The following IGF1R variants were observed in gnomAD, a reference collection of about 807,000 sequenced individuals.
The protein encoded by IGF1R is insulin-like growth factor 1 receptor.
Under a neutral mutation model 144.6 loss-of-function variants are expected in IGF1R, and 44 were observed. That is an observed-to-expected ratio of 0.30 (90% confidence interval 0.24 to 0.39). The LOEUF is 0.39. Ranked by LOEUF, IGF1R falls within the 10% of genes least tolerant of loss-of-function variation. IGF1R has a pLI of 1.00. For synonymous variants in IGF1R, 795 were observed against 722.8 expected, an observed-to-expected ratio of 1.10 and a Z score of -1.60; for missense variants, 1,355 against 1,833.7, an observed-to-expected ratio of 0.74 and a Z score of 4.77.
rs1282163055 is a variant in IGF1R, at chr15:98,651,233, C to T, written c.94+1558C>T. ...AATTCAGAAAGGCTGTTTCTATAAA[C>T]AAATCCTTAAACGTCTGGTAAGAAA... is the stretch of plus-strand genomic sequence containing the variant. On this transcript the variant is annotated intron_variant, in intron 1 of 20. Transcript: ENST00000650285. Among the ~76,000 whole-genome samples the T allele has an allele frequency of 3.9e-5, 6 of 152,170 alleles. 1 individual carries two copies. The highest frequency in any genetic ancestry group is 3.9e-4 in the Admixed American group (6 of 15,288).
rs45500098 is a variant in IGF1R at position 98,891,002 on chromosome 15, C to T, written c.641-323C>T. Among the ~76,000 whole-genome samples, 1 of 152,160 alleles carries T rather than the reference C, an allele frequency of 6.6e-6. No homozygotes were observed. The highest frequency in any genetic ancestry group is 2.4e-5 in the African/African-American group (1 of 41,420). ...TGGCTGACCCACGCCTGAGGCAACC[C>T]TCAAATGTGGGTATTATCCCCCTCA... On this transcript the variant is annotated intron_variant, in intron 2 of 20. Coordinates refer to ENST00000650285, the MANE Select transcript of IGF1R (RefSeq NM_000875.5). This position sits in a 1 kb window ranked among gnomAD's most constrained non-coding sequence, Gnocchi z 4.7.
intron 1 of IGF1R, among the ~76,000 whole-genome samples, chr15:98,690,418 C>T (rs998649366): frequency 6.6e-6 from 1 of 152,202 alleles, no homozygotes; most frequent in South Asian, 2.1e-4. Context: ...GGCCCCTCCT[C>T]CTCTCCTCTG....
intron 2 of IGF1R, among the ~76,000 whole-genome samples, chr15:98,749,822 ATAACG>A (rs1481017848): frequency 6.6e-6 from 1 of 152,020 alleles, no homozygotes; most frequent in East Asian, 1.9e-4. Flanking sequence ...CTACTTAACC[ATAACG>A]TTCATGGTGC....
intron 2 of IGF1R, among the ~76,000 whole-genome samples, chr15:98,843,778 C>T (rs117975294): frequency 0.016 from 2,447 of 152,140 alleles, 25 homozygotes; most frequent in Non-Finnish European, 0.026. Flanking sequence ...TTTTGTTTCA[C>T]CATAAGTAGT....
Position 98,961,833 on chromosome 15 carries a change from C to T in IGF1R, c.*4391C>T, listed in dbSNP as rs2684787. On this transcript the variant is annotated 3_prime_UTR_variant, in exon 21 of 21. Transcript: ENST00000650285. ...GCCTCCTCCTTGGAAGATGGAAGAC[C>T]GTGTTCGTGGCCGACCTGGCCTCTC... The T allele has an allele frequency of 0.18, 42,586 of 233,166 alleles. 4,481 individuals carry two copies. The highest frequency in any genetic ancestry group is 0.24 in the Non-Finnish European group (28,315 of 118,020). 14.4% of individuals were successfully genotyped at this position (233,166 alleles called of 1,614,324 possible). A position where few individuals can be genotyped will look rare whatever the true frequency, so the allele number is the denominator to read the frequency against.
At chr15:98,908,608 C>T (rs1471453226) in intron 5 of IGF1R, 77 bp from the exon 6 acceptor site, 2 of 1,035,092 alleles carry the variant, frequency 1.9e-6, no homozygotes, top group East Asian at 2.5e-5. Flanking sequence ...CAAAGAGGAC[C>T]TGTGTTACGT....
chr15:98,876,380 G>A (rs1156898825), intron 2 of IGF1R, among the ~76,000 whole-genome samples: 4 of 151,956 alleles, frequency 2.6e-5, no homozygotes, highest in African/African-American at 9.7e-5. Flanking sequence ...TATAAAGTGT[G>A]GGGTCAGATT....
chr15:98,934,590 C>G (rs1596468213), intron 15 of IGF1R, among the ~76,000 whole-genome samples: 2 of 152,212 alleles, frequency 1.3e-5, no homozygotes, highest in South Asian at 4.1e-4. Flanking sequence ...TGTTAGTATC[C>G]TCAAATTATC....
chr15:98,918,606 C>T (rs2015350879), intron 10 of IGF1R, among the ~76,000 whole-genome samples: 2 of 152,214 alleles, frequency 1.3e-5, no homozygotes, highest in South Asian at 2.1e-4. Context: ...AGCAGCCAGG[C>T]GCGGTGGCTC....
Position 98,904,656 on chromosome 15 carries a change from G to A in IGF1R, c.1248-4029G>A, listed in dbSNP as rs538758784. Among the ~76,000 whole-genome samples, 19 of 152,340 alleles carry A rather than the reference G, an allele frequency of 1.2e-4. No individual in the cohort carries two copies. The South Asian group carries it at 3.5e-3, about 28-fold the overall frequency. ...TTGCTGATGACAGCCTGTGTCCTGG[G>A]TTCTGATGCCCCCTAGAGACAGCCG... is the stretch of plus-strand genomic sequence containing the variant. On this transcript the variant is annotated intron_variant, in intron 5 of 20. Coordinates refer to ENST00000650285, the MANE Select transcript of IGF1R (RefSeq NM_000875.5).
chr15:98,962,821 T>C lies in IGF1R; in HGVS notation c.*5379T>C. 2 of 233,728 alleles carry C rather than the reference T, an allele frequency of 8.6e-6. No individual in the cohort carries two copies. Among genetic ancestry groups the C allele is most frequent in the Non-Finnish European group, 1.7e-5 (2 of 118,068 alleles). 14.5% of individuals were successfully genotyped at this position (233,728 alleles called of 1,614,324 possible). On this transcript the variant is annotated 3_prime_UTR_variant, in exon 21 of 21. Transcript: ENST00000650285. ...AACAAAGAAACCTAACATCCTACTC[T>C]GGAAACTGATCTCGGAGTTAAGGCG...
rs1419776971 is a variant in IGF1R, at chr15:98,749,967, T to C, written c.640+41860T>C. ...CTCCTTATTTCTTAGTGAACAAAGA[T>C]ATTTGCTCGACTTCTATCCCAGAAG... On this transcript the variant is annotated intron_variant, in intron 2 of 20. Transcript: ENST00000650285. 3.3e-5 allele frequency among the ~76,000 whole-genome samples: 5 copies of C among 152,088 alleles called. No homozygotes were observed. In the Middle Eastern group the frequency reaches 0.01, roughly 310 times the overall value.
chr15:98,650,273 A>C (rs1351594970), intron 1 of IGF1R, among the ~76,000 whole-genome samples: 1 of 152,110 alleles, frequency 6.6e-6, no homozygotes, highest in Non-Finnish European at 1.5e-5. Context: ...CCGTCGCCCA[A>C]CGTGCTTTTG....
At position 98,891,558 on chromosome 15, in the gene IGF1R, G is replaced by A. The variant is rs760366319; in HGVS notation, c.874G>A (p.Asp292Asn). Residue 292 changes from aspartate (D) to asparagine (N), a missense_variant, in exon 3 of 21, where the codon GAC becomes AAC. Asp to Asn is a conservative substitution (Grantham distance 23). Coordinates refer to ENST00000650285, the MANE Select transcript of IGF1R (RefSeq NM_000875.5). This position sits in a 1 kb window ranked among gnomAD's most constrained non-coding sequence, Gnocchi z 4.7. ...CANILSAESS[D>N]SEGFVIHDGE... The stretch of plus-strand genomic sequence containing the variant: ...CAACATCCTCAGCGCCGAGAGCAGC[G>A]ACTCCGAGGGGTTTGTGATCCACGA... 1.2e-5 allele frequency: 20 copies of A among 1,609,516 alleles called. No homozygotes were observed. The South Asian group carries it at 1.3e-4, about 11-fold the overall frequency.
At chr15:98,802,135 T>C (rs1011593302) in intron 2 of IGF1R, among the ~76,000 whole-genome samples, 1 of 152,144 alleles carries the variant, frequency 6.6e-6, no homozygotes, top group Non-Finnish European at 1.5e-5. Context: ...TTTGTTACTC[T>C]AAAAATGAAA....
chr15:98,849,114 G>T lies in IGF1R; in HGVS notation c.641-42211G>T, dbSNP rs186542505. On this transcript the variant is annotated intron_variant, in intron 2 of 20. Transcript: ENST00000650285. ...CAAACAAACAAAAAACTGAACAAGAGCAAGGAGTCCTTACCAGGTATTAAA... is the reference window on the plus strand; with the variant it reads ...CAAACAAACAAAAAACTGAACAAGATCAAGGAGTCCTTACCAGGTATTAAA... 3.3e-5 allele frequency among the ~76,000 whole-genome samples: 5 copies of T among 152,220 alleles called. No homozygotes were observed. The East Asian group carries it at 9.7e-4, about 29-fold the overall frequency.
chr15:98,861,273 C>T (rs1012978590), intron 2 of IGF1R, among the ~76,000 whole-genome samples: 1 of 152,214 alleles, frequency 6.6e-6, no homozygotes, highest in African/African-American at 2.4e-5. Flanking sequence ...CCTCCTTACA[C>T]CTTCCTCTCA....
In IGF1R at chr15:98,934,949, A is replaced by G. The variant is rs1038923367; in HGVS notation, c.3082A>G (p.Thr1028Ala). Residue 1028 changes from threonine (T) to alanine (A), a missense_variant, in exon 16 of 21, where the codon ACC becomes GCC. By Grantham distance (58) the Thr-to-Ala change is moderately conservative (BLOSUM62 0). This residue lies in a region of IGF1R where 880 missense variants were observed against 1,202.7 expected (regional missense o/e 0.73). Transcript: ENST00000650285. ...GGGTGTGGTGAAAGATGAACCTGAA[A>G]CCAGAGTGGCCATTAAAACAGTGAA... Reference protein sequence around the residue: ...AKGVVKDEPETRVAIKTVNEA... With the variant: ...AKGVVKDEPEARVAIKTVNEA... The G allele has an allele frequency of 6.2e-7, 1 of 1,614,114 alleles. No individual in the cohort carries two copies. Among genetic ancestry groups the G allele is most frequent in the Non-Finnish European group, 8.5e-7 (1 of 1,180,016 alleles).
chr15:98,715,560 A>G (rs1040900197), intron 2 of IGF1R, among the ~76,000 whole-genome samples: 1 of 152,126 alleles, frequency 6.6e-6, no homozygotes, highest in African/African-American at 2.4e-5. Flanking sequence ...CCTCATGTGT[A>G]TGCCAGTGTG....
Sources: allele counts gnomAD v4.1 joint callset (sites outside exome capture counted in the v4.1 genomes callset), GRCh38; gene constraint gnomAD v4.1.1; regional missense constraint gnomAD v4.1.1; non-coding constraint Gnocchi (gnomAD v3.1); transcripts MANE v1.5; gene names NCBI Gene and HGNC (gene_info 2026-07-23, HGNC 2026-07-21).